ASCC3: variants seen among roughly 807,000 people sequenced by gnomAD.
ASCC3 encodes activating signal cointegrator 1 complex subunit 3.
A neutral mutation model predicts 256.3 loss-of-function variants in ASCC3; 158 were observed. The ratio of observed to expected loss-of-function variants is 0.62; its 90% CI spans 0.54 to 0.70. The LOEUF (loss-of-function observed/expected upper bound fraction) is 0.70, where lower values mean the gene tolerates loss of function less well. Ranked by LOEUF, ASCC3 falls within the 30% of genes least tolerant of loss-of-function variation. The pLI, the probability that ASCC3 is intolerant of heterozygous loss-of-function variation, is 0.00. For synonymous variants in ASCC3, 948 were observed against 883.4 expected (o/e 1.07, Z -1.30); for missense variants, 2,259 against 2,626.0 (o/e 0.86, Z 3.05).
intron 8 of ASCC3, among the ~76,000 whole-genome samples, chr6:100,784,791 A>G (rs1782614086): frequency 6.6e-6 from 1 of 151,988 alleles, no homozygotes; most frequent in African/African-American, 2.4e-5. Context: ...TTTTATCATC[A>G]GCCCTACAGA....
intron 36 of ASCC3, among the ~76,000 whole-genome samples, chr6:100,587,281 T>C (rs1771750274): frequency 6.6e-6 from 1 of 151,900 alleles, no homozygotes; most frequent in Non-Finnish European, 1.5e-5. Context: ...CTTTGAGTCA[T>C]TTGGTAGTCT....
chr6:100,725,783 T>C (rs1779592129), intron 10 of ASCC3, 80 bp from the exon 11 acceptor site: 1 of 1,509,038 alleles, frequency 6.6e-7, no homozygotes, highest in African/African-American at 1.4e-5. Flanking sequence ...GAAAGAAATA[T>C]TTTGGCCACC....
intron 14 of ASCC3, 96 bp from the exon 15 acceptor site, chr6:100,662,632 T>C: frequency 8.3e-7 from 1 of 1,198,260 alleles, no homozygotes; most frequent in East Asian, 2.5e-5. Flanking sequence ...AATCAGAAAA[T>C]TATTTTTAAG....
intron 13 of ASCC3, among the ~76,000 whole-genome samples, chr6:100,703,325 G>C (rs973566065): frequency 6.6e-6 from 1 of 151,974 alleles, no homozygotes; most frequent in Non-Finnish European, 1.5e-5. Flanking sequence ...AAATAAAACA[G>C]TACCATTTAG....
At chr6:100,545,467 C>T (rs1487515319) in intron 36 of ASCC3, among the ~76,000 whole-genome samples, 35 of 152,120 alleles carry the variant, frequency 2.3e-4, no homozygotes, top group Non-Finnish European at 2.9e-5. Flanking sequence ...TGAGCCACAG[C>T]GCTGGCCATA....
At chr6:100,608,731 T>TTATA (rs1169558095) in intron 30 of ASCC3, among the ~76,000 whole-genome samples, 76 of 2,712 alleles carry the variant, frequency 0.028, 21 homozygotes, top group Non-Finnish European at 0.05. Context: ...TATATATACT[T>TTATA]TATATATATA....
chr6:100,712,091 G>T (rs979098158), intron 13 of ASCC3, among the ~76,000 whole-genome samples: 1 of 152,136 alleles, frequency 6.6e-6, no homozygotes, highest in Non-Finnish European at 1.5e-5. Context: ...TCTAGACGCA[G>T]ACCTCATATC....
intron 37 of ASCC3, among the ~76,000 whole-genome samples, chr6:100,527,346 T>C (rs954995228): frequency 7.9e-5 from 12 of 152,316 alleles, no homozygotes; most frequent in South Asian, 6.2e-4. Flanking sequence ...ATTTAAAAAT[T>C]TGAAAAGATT....
chr6:100,682,119 T>C (rs1045292528), intron 13 of ASCC3, among the ~76,000 whole-genome samples: 11 of 152,152 alleles, frequency 7.2e-5, no homozygotes, highest in Non-Finnish European at 1.6e-4. Flanking sequence ...GCAAATTTTT[T>C]TTCTCTAATA....
chr6:100,707,014 T>C (rs1163138402), intron 13 of ASCC3, among the ~76,000 whole-genome samples: 3 of 152,136 alleles, frequency 2.0e-5, no homozygotes, highest in East Asian at 1.9e-4. Flanking sequence ...TTTCAACTAG[T>C]GGACCATAGT....
At chr6:100,678,037 C>G (rs1308283297) in intron 14 of ASCC3, among the ~76,000 whole-genome samples, 1 of 151,940 alleles carries the variant, frequency 6.6e-6, no homozygotes, top group Admixed American at 6.6e-5. Context: ...TATGCCATAT[C>G]AAGGGATAAT....
At chr6:100,828,967 T>C (rs919957816) in intron 4 of ASCC3, among the ~76,000 whole-genome samples, 12 of 152,232 alleles carry the variant, frequency 7.9e-5, no homozygotes, top group Non-Finnish European at 1.3e-4. Context: ...AGGGTGCTGA[T>C]TGGTGCGTTT....
intron 27 of ASCC3, among the ~76,000 whole-genome samples, chr6:100,628,797 C>A (rs1325968185): frequency 6.6e-6 from 1 of 151,922 alleles, no homozygotes; most frequent in African/African-American, 2.4e-5. Context: ...CAGATTAATA[C>A]ACTAAGAGAA....
At chr6:100,803,206 G>A (rs1269850749) in intron 5 of ASCC3, among the ~76,000 whole-genome samples, 1 of 151,948 alleles carries the variant, frequency 6.6e-6, no homozygotes, top group African/African-American at 2.4e-5. Flanking sequence ...CTATTCAACA[G>A]GTGTAATATG....
intron 36 of ASCC3, among the ~76,000 whole-genome samples, chr6:100,547,712 TC>T (rs1375189036): frequency 6.6e-6 from 1 of 152,008 alleles, no homozygotes; most frequent in Non-Finnish European, 1.5e-5. Context: ...TGTTCCAATT[TC>T]TTTGGAAAAG....
chr6:100,867,002 T>C (rs1445208185), intron 2 of ASCC3, among the ~76,000 whole-genome samples: 1 of 152,230 alleles, frequency 6.6e-6, no homozygotes, highest in Non-Finnish European at 1.5e-5. Context: ...TAACTGCATA[T>C]GTAATTTATT....
chr6:100,566,425 A>T (rs1028319835), intron 36 of ASCC3, among the ~76,000 whole-genome samples: 1 of 152,144 alleles, frequency 6.6e-6, no homozygotes, highest in African/African-American at 2.4e-5. Flanking sequence ...TGGCCACCTC[A>T]ATGTATTAAC....
chr6:100,573,859 G>A (rs183920182), intron 36 of ASCC3, among the ~76,000 whole-genome samples: 39 of 152,136 alleles, frequency 2.6e-4, no homozygotes, highest in Admixed American at 1.6e-3. Context: ...TAAAGATTGC[G>A]TTTGCGATTT....
intron 37 of ASCC3, among the ~76,000 whole-genome samples, chr6:100,524,048 C>T (rs1388275433): frequency 6.6e-6 from 1 of 152,088 alleles, no homozygotes; most frequent in Non-Finnish European, 1.5e-5. Flanking sequence ...ATATTACCCC[C>T]CTTCACAGAA....
Sources: gnomAD v4.1 joint callset for allele counts (sites outside exome capture counted in the v4.1 genomes callset) on GRCh38, gnomAD v4.1.1 for gene constraint, MANE v1.5 for transcripts, NCBI Gene and HGNC (gene_info 2026-07-23, HGNC 2026-07-21) for gene names.